CUBN: variants seen among roughly 807,000 people sequenced by gnomAD.
CUBN encodes the protein 460 kDa receptor.
A neutral mutation model predicts 405.3 loss-of-function variants in CUBN; 282 were observed. The ratio of observed to expected loss-of-function variants is 0.70; its 90% CI spans 0.63 to 0.77. The LOEUF is 0.77. Among genes scored for constraint, CUBN ranks in the 30% least tolerant of loss-of-function variants. The probability of loss-of-function intolerance (pLI) is 0.00; values close to 1 mark genes in which losing one functional copy is unlikely to be tolerated. For missense variants in CUBN, 4,514 were observed against 4,475.2 expected (o/e 1.01, Z -0.25); for synonymous variants, 1,684 against 1,617.0 (o/e 1.04, Z -0.99).
chr10:17,058,572 T>C (rs551445211), intron 22 of CUBN, among the ~76,000 whole-genome samples: 3 of 152,266 alleles, frequency 2.0e-5, no homozygotes, highest in African/African-American at 4.8e-5. Flanking sequence ...TAAAACCTGA[T>C]GGTAGTTTTA....
chr10:16,906,505 T>C (rs1306090020), intron 49 of CUBN, 96 bp from the exon 50 acceptor site: 1 of 879,084 alleles, frequency 1.1e-6, no homozygotes, highest in Non-Finnish European at 1.9e-6. Context: ...AACATCAACA[T>C]TACTGCTTTG....
chr10:16,929,958 C>T (rs1224143703), intron 40 of CUBN, among the ~76,000 whole-genome samples: 1 of 152,128 alleles, frequency 6.6e-6, no homozygotes, highest in Non-Finnish European at 1.5e-5. Flanking sequence ...GTTGATTAGC[C>T]TACTCATTAG....
intron 56 of CUBN, among the ~76,000 whole-genome samples, chr10:16,877,457 T>G (rs1176106464): frequency 6.6e-6 from 1 of 151,932 alleles, no homozygotes; most frequent in African/African-American, 2.4e-5. Flanking sequence ...CACTGTAGAG[T>G]GGAGTAGAGA....
intron 59 of CUBN, among the ~76,000 whole-genome samples, chr10:16,855,026 C>CTCTTCCTCTCT (rs1839830136): frequency 7.6e-6 from 1 of 131,782 alleles, no homozygotes; most frequent in African/African-American, 3.0e-5. Context: ...TTCTCTCTCT[C>CTCTTCCTCTCT]TCTTTCTCTC....
chr10:16,965,861 T>C (rs1843377939), intron 31 of CUBN: 4 of 430,500 alleles, frequency 9.3e-6, no homozygotes, highest in Non-Finnish European at 1.9e-5. Context: ...AGTTCCACTT[T>C]GCAGCAGGGA....
chr10:17,087,245 C>T (rs901438202), intron 15 of CUBN, among the ~76,000 whole-genome samples: 1 of 152,122 alleles, frequency 6.6e-6, no homozygotes, highest in African/African-American at 2.4e-5. Context: ...GGAACTCAAT[C>T]TTCTCCATTA....
At chr10:16,874,877 G>A (rs936288029) in intron 57 of CUBN, among the ~76,000 whole-genome samples, 8 of 152,192 alleles carry the variant, frequency 5.3e-5, no homozygotes, top group African/African-American at 1.4e-4. Context: ...CGGAAAAGGC[G>A]GCCAGAATGA....
At chr10:17,006,430 A>C (rs1834028357) in intron 28 of CUBN, among the ~76,000 whole-genome samples, 1 of 152,236 alleles carries the variant, frequency 6.6e-6, no homozygotes, top group African/African-American at 2.4e-5. Context: ...TAACAGAATT[A>C]CAAAAGATAA....
intron 62 of CUBN, among the ~76,000 whole-genome samples, chr10:16,838,467 T>G (rs1839241563): frequency 6.6e-6 from 1 of 152,212 alleles, no homozygotes; most frequent in Non-Finnish European, 1.5e-5. Flanking sequence ...CCAATCCCTT[T>G]GCATATTTTC....
At chr10:16,947,604 C>T (rs1278161145) in intron 35 of CUBN, among the ~76,000 whole-genome samples, 1 of 152,156 alleles carries the variant, frequency 6.6e-6, no homozygotes, top group Non-Finnish European at 1.5e-5. Context: ...TTCTCAAAGC[C>T]GTTTCTTCCT....
chr10:17,070,343 T>A (rs1005433791), intron 19 of CUBN, among the ~76,000 whole-genome samples: 3 of 152,202 alleles, frequency 2.0e-5, no homozygotes, highest in African/African-American at 7.2e-5. Flanking sequence ...ATTTTGGTTA[T>A]TCTGGTTCCC....
At chr10:16,942,900 G>A (rs1171795012) in intron 36 of CUBN, among the ~76,000 whole-genome samples, 4 of 151,486 alleles carry the variant, frequency 2.6e-5, no homozygotes, top group Admixed American at 2.6e-4. Flanking sequence ...GAAGGCAAGG[G>A]GAAGGGGAAG....
chr10:17,001,279 G>C (rs143405292), intron 28 of CUBN, among the ~76,000 whole-genome samples: 3 of 152,212 alleles, frequency 2.0e-5, no homozygotes, highest in African/African-American at 4.8e-5. Context: ...CTTCCACAGC[G>C]TGCAGGGCAA....
Position 16,869,792 on chromosome 10 carries a change from C to T in CUBN, c.9298G>A (p.Asp3100Asn), listed in dbSNP as rs202189846. 1.2e-4 allele frequency: 197 copies of T among 1,613,990 alleles called. No homozygotes were observed. The highest frequency in any genetic ancestry group is 1.6e-4 in the Non-Finnish European group (186 of 1,179,994). The change falls in exon 59 of 67, where the codon GAT becomes AAT. Residue 3100 changes from aspartate to asparagine, a missense_variant. Coordinates refer to ENST00000377833, the MANE Select transcript of CUBN (RefSeq NM_001081.4). ...SCSHDYLAIY[D>N]GANTSDPLLG... is the part of the protein sequence containing the mutation. ...AGGGGATCGCTGGTATTGGCACCATCGTAAATTGCCAGGTAGTCATGGGAG... is the reference window on the plus strand; with the variant it reads ...AGGGGATCGCTGGTATTGGCACCATTGTAAATTGCCAGGTAGTCATGGGAG...
intron 36 of CUBN, among the ~76,000 whole-genome samples, chr10:16,945,958 G>C (rs1174372950): frequency 6.6e-6 from 1 of 152,080 alleles, no homozygotes; most frequent in Non-Finnish European, 1.5e-5. Flanking sequence ...TCCACAAATA[G>C]GATAGTTGTC....
intron 58 of CUBN, among the ~76,000 whole-genome samples, chr10:16,873,978 C>T (rs1312037184): frequency 1.3e-5 from 2 of 152,174 alleles, no homozygotes; most frequent in African/African-American, 4.8e-5. Flanking sequence ...TACAATGAGA[C>T]AATTACGGCA....
chr10:16,878,287 C>T (rs1287450748), intron 56 of CUBN, among the ~76,000 whole-genome samples: 1 of 151,998 alleles, frequency 6.6e-6, no homozygotes, highest in Non-Finnish European at 1.5e-5. Context: ...GACTCCATCT[C>T]AAATAAAATA....
At position 16,907,925 on chromosome 10, in the gene CUBN, A is replaced by T. The variant is rs150061717; in HGVS notation, c.7534-246T>A. ...TAATGCCTTCCTGCCATGTGGTGATAGATTAAAAGCTGCTATACACTTTGC... is the reference window on the plus strand; with the variant it reads ...TAATGCCTTCCTGCCATGTGGTGATTGATTAAAAGCTGCTATACACTTTGC... On this transcript the variant is annotated intron_variant, in intron 48 of 66. Coordinates refer to ENST00000377833, the MANE Select transcript of CUBN (RefSeq NM_001081.4). Among the ~76,000 whole-genome samples the T allele has an allele frequency of 0.011, 1,613 of 152,266 alleles. 2 individuals carry two copies. Among genetic ancestry groups the T allele is most frequent in the Non-Finnish European group, 0.016 (1,115 of 68,028 alleles).
chr10:16,972,325 T>C (rs1832959080), intron 31 of CUBN, among the ~76,000 whole-genome samples: 1 of 152,132 alleles, frequency 6.6e-6, no homozygotes, highest in African/African-American at 2.4e-5. Flanking sequence ...CTAGCTCAGA[T>C]CCTATCCCAA....
Sources: gnomAD v4.1 joint callset for allele counts (sites outside exome capture counted in the v4.1 genomes callset) on GRCh38, gnomAD v4.1.1 for gene constraint, MANE v1.5 for transcripts, NCBI Gene and HGNC (gene_info 2026-07-23, HGNC 2026-07-21) for gene names.